KCNIP4: variants seen among roughly 807,000 people sequenced by gnomAD.
KCNIP4 encodes the protein potassium voltage-gated channel interacting protein 4, also known as Kv channel-interacting protein 4.
KCNIP4 carries 12 observed loss-of-function variants against 34.0 expected under a neutral mutation model. The observed-to-expected ratio is 0.35, with a 90% CI of 0.23 to 0.57. The LOEUF is 0.57. Ranked by LOEUF, KCNIP4 falls within the 20% of genes least tolerant of loss-of-function variation. The probability of loss-of-function intolerance (pLI) is 0.83; values close to 1 mark genes in which losing one functional copy is unlikely to be tolerated. For missense variants in KCNIP4, 238 were observed against 311.7 expected, an observed-to-expected ratio of 0.76 and a Z score of 1.78; for synonymous variants, 124 against 102.2, an observed-to-expected ratio of 1.21 and a Z score of -1.29.
intron 1 of KCNIP4, among the ~76,000 whole-genome samples, chr4:21,400,524 T>C (rs1479100012): frequency 0.013 from 472 of 37,654 alleles, 11 homozygotes; most frequent in African/African-American, 0.044. Context: ...TCTTCTCTTC[T>C]CTTCTCTTCT....
intron 1 of KCNIP4, among the ~76,000 whole-genome samples, chr4:21,262,916 C>G (rs1324078009): frequency 6.6e-6 from 1 of 152,202 alleles, no homozygotes; most frequent in African/African-American, 2.4e-5. Context: ...TAGTATACCT[C>G]CAGCACCTAG....
intron 1 of KCNIP4, among the ~76,000 whole-genome samples, chr4:21,796,331 T>G (rs1440745036): frequency 6.6e-6 from 1 of 152,132 alleles, no homozygotes; most frequent in Non-Finnish European, 1.5e-5. Flanking sequence ...CTCCCCTCCC[T>G]GTAAGTCCAA....
At chr4:21,166,714 G>A (rs906932867) in intron 1 of KCNIP4, among the ~76,000 whole-genome samples, 3 of 152,020 alleles carry the variant, frequency 2.0e-5, no homozygotes, top group East Asian at 2.0e-4. Flanking sequence ...CAAGGCGGGC[G>A]GATCACTTGA....
At chr4:21,399,873 A>C (rs1433670601) in intron 1 of KCNIP4, among the ~76,000 whole-genome samples, 1 of 152,220 alleles carries the variant, frequency 6.6e-6, no homozygotes, top group African/African-American at 2.4e-5. Flanking sequence ...GACGTGGAGC[A>C]GGGCCAGTAG....
chr4:20,874,277 G>A (rs1464012945), intron 2 of KCNIP4, among the ~76,000 whole-genome samples: 1 of 152,124 alleles, frequency 6.6e-6, no homozygotes, highest in East Asian at 1.9e-4. Context: ...GCTAATCCCA[G>A]AGTTATCACG....
intron 1 of KCNIP4, among the ~76,000 whole-genome samples, chr4:21,381,238 C>T (rs1721476743): frequency 6.6e-6 from 1 of 152,192 alleles, no homozygotes. Flanking sequence ...TGCCTTTTCA[C>T]TGTCACCCAA....
At chr4:21,114,441 A>G (rs1421328323) in intron 1 of KCNIP4, among the ~76,000 whole-genome samples, 6 of 152,196 alleles carry the variant, frequency 3.9e-5, no homozygotes, top group Non-Finnish European at 7.3e-5. Flanking sequence ...GCTTTTAGTA[A>G]GAATATCTTC....
At chr4:21,132,015 C>A (rs34607909) in intron 1 of KCNIP4, among the ~76,000 whole-genome samples, 4 of 151,918 alleles carry the variant, frequency 2.6e-5, no homozygotes, top group Non-Finnish European at 4.4e-5. Context: ...ATGAGGAGGG[C>A]GTGTGATGGA....
At chr4:21,552,615 A>C (rs1016724037) in intron 1 of KCNIP4, among the ~76,000 whole-genome samples, 6 of 152,124 alleles carry the variant, frequency 3.9e-5, no homozygotes, top group African/African-American at 1.4e-4. Flanking sequence ...AAATGTCTGC[A>C]ACTGAGAATA....
intron 1 of KCNIP4, among the ~76,000 whole-genome samples, chr4:21,293,226 T>C (rs892712867): frequency 3.3e-5 from 5 of 152,186 alleles, no homozygotes; most frequent in African/African-American, 7.2e-5. Flanking sequence ...CTTCCATTCA[T>C]CTCTATAAGT....
In KCNIP4 at chr4:20,729,433, T is replaced by TAAGTTTTA. The variant is rs1409713475; in HGVS notation, c.*641_*648dup. 6.6e-6 allele frequency: 1 copy of TAAGTTTTA among 151,426 alleles called. No individual in the cohort carries two copies. The highest frequency in any genetic ancestry group is 6.6e-5 in the Admixed American group (1 of 15,092). 9.4% of individuals were successfully genotyped at this position (151,426 alleles called of 1,614,324 possible). ...ATGGAAAATTAAATGCTTATTAAAA[T>TAAGTTTTA]AAGTTTTATTAGGCATATGCTGATA... is the stretch of plus-strand genomic sequence containing the variant. On this transcript the variant is annotated 3_prime_UTR_variant, in exon 9 of 9. Transcript: ENST00000382152.
intron 1 of KCNIP4, among the ~76,000 whole-genome samples, chr4:21,238,053 T>C (rs1404255609): frequency 2.0e-5 from 3 of 152,124 alleles, no homozygotes; most frequent in Non-Finnish European, 2.9e-5. Flanking sequence ...GCTTCATCCC[T>C]GGGATGCAAG....
At chr4:21,304,827 T>C (rs1712259408) in intron 1 of KCNIP4, among the ~76,000 whole-genome samples, 2 of 152,212 alleles carry the variant, frequency 1.3e-5, no homozygotes, top group Admixed American at 6.5e-5. Flanking sequence ...CATATTTGCA[T>C]AGTATCTTAG....
chr4:21,395,894 A>G (rs1331689724), intron 1 of KCNIP4, among the ~76,000 whole-genome samples: 7 of 152,060 alleles, frequency 4.6e-5, no homozygotes, highest in Non-Finnish European at 8.8e-5. Context: ...ATTCATCACA[A>G]ATTCTTTGGG....
chr4:21,133,846 A>G (rs1316345372), intron 1 of KCNIP4, among the ~76,000 whole-genome samples: 1 of 152,216 alleles, frequency 6.6e-6, no homozygotes. Flanking sequence ...AAGGAAACAT[A>G]CACACTAGAA....
At chr4:21,497,904 A>G (rs1313292061) in intron 1 of KCNIP4, among the ~76,000 whole-genome samples, 1 of 152,140 alleles carries the variant, frequency 6.6e-6, no homozygotes. Context: ...CAGCACTCTT[A>G]TGGGAAAATC....
At chr4:21,139,408 G>A (rs1305365097) in intron 1 of KCNIP4, among the ~76,000 whole-genome samples, 13 of 152,192 alleles carry the variant, frequency 8.5e-5, no homozygotes, top group Non-Finnish European at 2.9e-5. Flanking sequence ...GCATGTACTA[G>A]GTAAAATGGT....
intron 5 of KCNIP4, among the ~76,000 whole-genome samples, chr4:20,738,110 A>G (rs1750115651): frequency 6.6e-6 from 1 of 151,582 alleles, no homozygotes; most frequent in Non-Finnish European, 1.5e-5. Flanking sequence ...AGCCTGGATG[A>G]CAGACCAAGA....
chr4:21,233,166 G>T (rs550770623), intron 1 of KCNIP4, among the ~76,000 whole-genome samples: 9 of 152,258 alleles, frequency 5.9e-5, no homozygotes, highest in Middle Eastern at 6.8e-3. Context: ...AATAAGCAAA[G>T]ATCAAGTAAG....
Sources: allele counts gnomAD v4.1 joint callset (sites outside exome capture counted in the v4.1 genomes callset), GRCh38; gene constraint gnomAD v4.1.1; transcripts MANE v1.5; gene names NCBI Gene and HGNC (gene_info 2026-07-23, HGNC 2026-07-21).